The following PDZD2 variants were observed in gnomAD, a reference collection of about 807,000 sequenced individuals.
PDZD2 encodes the protein PDZ domain containing 2.
In PDZD2, 90 loss-of-function variants were observed where a neutral mutation model predicts 220.7. The observed-to-expected ratio is 0.41, with a 90% CI of 0.34 to 0.49. The LOEUF (loss-of-function observed/expected upper bound fraction) is 0.49, where lower values mean the gene tolerates loss of function less well. Among genes scored for constraint, PDZD2 ranks in the 20% least tolerant of loss-of-function variants. The pLI, the probability that PDZD2 is intolerant of heterozygous loss-of-function variation, is 0.28. For synonymous variants in PDZD2, 1,375 were observed against 1,450.5 expected, an observed-to-expected ratio of 0.95 and a Z score of 1.18; for missense variants, 3,174 against 3,608.5, an observed-to-expected ratio of 0.88 and a Z score of 3.08.
chr5:31,847,706 C>T (rs1052045745), intron 2 of PDZD2: 2 of 601,458 alleles, frequency 3.3e-6, no homozygotes, highest in Non-Finnish European at 3.2e-6. Context: ...TATTTGGATG[C>T]AGGCCTTGCC....
chr5:31,756,668 G>A (rs1325510750), intron 1 of PDZD2, among the ~76,000 whole-genome samples: 2 of 152,236 alleles, frequency 1.3e-5, no homozygotes, highest in African/African-American at 4.8e-5. Flanking sequence ...GGGTAAAGGT[G>A]GTGGCAGTGT....
chr5:31,835,415 T>A (rs1019312702), intron 2 of PDZD2, among the ~76,000 whole-genome samples: 2 of 147,946 alleles, frequency 1.4e-5, no homozygotes, highest in Non-Finnish European at 3.0e-5. Context: ...GGTCAGGAGT[T>A]CGAGACCAGC....
intron 1 of PDZD2, among the ~76,000 whole-genome samples, chr5:31,696,795 C>T (rs546182374): frequency 6.6e-6 from 1 of 152,358 alleles, no homozygotes; most frequent in South Asian, 2.1e-4. Flanking sequence ...AGGCCCTTCT[C>T]CCCTACAAGC....
At chr5:31,834,722 C>T (rs1344943579) in intron 2 of PDZD2, among the ~76,000 whole-genome samples, 3 of 97,312 alleles carry the variant, frequency 3.1e-5, no homozygotes, top group Non-Finnish European at 5.8e-5. Flanking sequence ...CATTGCACAC[C>T]GGGGCCTGTT....
chr5:32,096,906 G>C (rs1171262031), intron 21 of PDZD2, among the ~76,000 whole-genome samples: 1 of 135,018 alleles, frequency 7.4e-6, no homozygotes, highest in Non-Finnish European at 1.5e-5. Flanking sequence ...CGTGATCATG[G>C]CTCACTGCAG....
At chr5:31,721,131 G>C (rs572886844) in intron 1 of PDZD2, among the ~76,000 whole-genome samples, 72 of 152,192 alleles carry the variant, frequency 4.7e-4, no homozygotes, top group Non-Finnish European at 9.7e-4. Flanking sequence ...GTCAGGGAAG[G>C]CTTCCTGGAG....
chr5:31,960,397 T>C (rs1748111035), intron 2 of PDZD2, among the ~76,000 whole-genome samples: 4 of 152,080 alleles, frequency 2.6e-5, no homozygotes, highest in Admixed American at 2.0e-4. Context: ...TAATTTTGTA[T>C]TTTCAGTAGA....
chr5:31,650,312 T>C (rs1165726282), intron 1 of PDZD2, among the ~76,000 whole-genome samples: 2 of 152,338 alleles, frequency 1.3e-5, no homozygotes, highest in East Asian at 3.9e-4. Flanking sequence ...GTGACTTGAC[T>C]GAGGTTGCAT....
chr5:31,948,118 T>C (rs979638774), intron 2 of PDZD2, among the ~76,000 whole-genome samples: 8 of 152,190 alleles, frequency 5.3e-5, no homozygotes, highest in African/African-American at 1.2e-4. Context: ...AGGATTTCCA[T>C]AGAAGTACAT....
chr5:31,697,507 G>A (rs968225527), intron 1 of PDZD2, among the ~76,000 whole-genome samples: 2 of 152,144 alleles, frequency 1.3e-5, no homozygotes, highest in African/African-American at 4.8e-5. Flanking sequence ...AGAACATAAA[G>A]AAGATTTAAA....
At chr5:31,860,645 C>T (rs989979320) in intron 2 of PDZD2, among the ~76,000 whole-genome samples, 5 of 152,128 alleles carry the variant, frequency 3.3e-5, no homozygotes, top group African/African-American at 9.7e-5. Context: ...TAGGCTACAT[C>T]GAACTTTCAT....
chr5:31,956,478 CAG>C (rs1336492740), intron 2 of PDZD2, among the ~76,000 whole-genome samples: 1 of 140,844 alleles, frequency 7.1e-6, no homozygotes, highest in African/African-American at 2.7e-5. Context: ...ACCCGGGAGA[CAG>C]AGCTTGCAGC....
intron 2 of PDZD2, among the ~76,000 whole-genome samples, chr5:31,860,970 T>G (rs907676245): frequency 6.6e-6 from 1 of 152,168 alleles, no homozygotes; most frequent in Non-Finnish European, 1.5e-5. Flanking sequence ...TCAGGTCACA[T>G]ATCTCCATTC....
chr5:31,711,133 C>A (rs1360480400), intron 1 of PDZD2, among the ~76,000 whole-genome samples: 4 of 152,142 alleles, frequency 2.6e-5, no homozygotes, highest in East Asian at 3.9e-4. Flanking sequence ...TTTCTAGACA[C>A]CAGGGTCCAC....
At chr5:31,835,303 G>A (rs1430174346) in intron 2 of PDZD2, among the ~76,000 whole-genome samples, 1 of 152,148 alleles carries the variant, frequency 6.6e-6, no homozygotes, top group Non-Finnish European at 1.5e-5. Flanking sequence ...GTGCTGTGCT[G>A]TTCTATTTAA....
At chr5:31,901,016 G>A (rs183229902) in intron 2 of PDZD2, among the ~76,000 whole-genome samples, 22 of 152,308 alleles carry the variant, frequency 1.4e-4, no homozygotes, top group Admixed American at 8.5e-4. Context: ...TGTGTTGCCA[G>A]TTTAGAAAAG....
chr5:31,822,471 G>A (rs1239317632), intron 2 of PDZD2: 1 of 432,280 alleles, frequency 2.3e-6, no homozygotes, highest in Non-Finnish European at 4.3e-6. Context: ...CAAATCAATA[G>A]GTCTTTTATT....
chr5:31,677,199 A>T (rs1255003948), intron 1 of PDZD2, among the ~76,000 whole-genome samples: 2 of 152,112 alleles, frequency 1.3e-5, no homozygotes, highest in African/African-American at 4.8e-5. Context: ...GGCGGTGGGG[A>T]ATGACAGCGG....
chr5:31,851,878 A>G (rs1758074977), intron 2 of PDZD2, among the ~76,000 whole-genome samples: 1 of 151,834 alleles, frequency 6.6e-6, no homozygotes, highest in African/African-American at 2.4e-5. Context: ...TTCCCCTGAG[A>G]TAGAGTCTTG....
Sources: gnomAD v4.1 joint callset for allele counts (sites outside exome capture counted in the v4.1 genomes callset) on GRCh38, gnomAD v4.1.1 for gene constraint, MANE v1.5 for transcripts, NCBI Gene and HGNC (gene_info 2026-07-23, HGNC 2026-07-21) for gene names.